The following DIAPH2 variants were observed in gnomAD, a reference collection of about 807,000 sequenced individuals.
The protein encoded by DIAPH2 is diaphanous related formin 2, also known as protein diaphanous homolog 2.
In DIAPH2, 35 loss-of-function variants were observed where a neutral mutation model predicts 92.7. That is an observed-to-expected ratio of 0.38 (90% CI 0.29 to 0.50). DIAPH2 has a LOEUF of 0.50. Ranked by LOEUF, DIAPH2 falls within the 20% of genes least tolerant of loss-of-function variation. DIAPH2 has a pLI of 0.94. For synonymous variants in DIAPH2, 301 were observed against 280.4 expected (o/e 1.07, Z -0.73); for missense variants, 701 against 819.5 (o/e 0.86, Z 1.77).
intron 26 of DIAPH2, among the ~76,000 whole-genome samples, chrX:97,548,305 C>T (rs910670425): frequency 4.5e-5 from 5 of 112,330 alleles, no homozygotes; most frequent in Admixed American, 3.8e-4. Flanking sequence ...TTGTTCCCCT[C>T]TTCTTTCCTG....
rs774954078 is a variant in DIAPH2 at position 96,779,250 on chromosome X, A to G, written c.447+20992A>G. Among the ~76,000 whole-genome samples the G allele has an allele frequency of 6.2e-5, 7 of 112,255 alleles. No individual in the cohort carries two copies. The South Asian group carries it at 2.6e-3, about 42-fold the overall frequency. ...CTCACAGATTCTTTATTTAAATTCA[A>G]TTAACTACCCTACCTTATTGATAGA... On this transcript the variant is annotated intron_variant, in intron 4 of 26. Coordinates refer to ENST00000324765, the MANE Select transcript of DIAPH2 (RefSeq NM_006729.5).
At chrX:97,410,069 G>A (rs966128095) in intron 25 of DIAPH2, among the ~76,000 whole-genome samples, 1 of 112,263 alleles carries the variant, frequency 8.9e-6, no homozygotes, top group Non-Finnish European at 1.9e-5. Context: ...GCCTCCTCAA[G>A]TGGGTCCCTG....
chrX:96,697,461 C>T, intron 1 of DIAPH2, among the ~76,000 whole-genome samples: 1 of 108,544 alleles, frequency 9.2e-6, no homozygotes, highest in Non-Finnish European at 1.9e-5. Flanking sequence ...GCCTGGCCAA[C>T]ATGGTGGAAC....
At chrX:97,599,187 A>T in intron 26 of DIAPH2, 66 bp from the exon 27 acceptor site, 1 of 792,757 alleles carries the variant, frequency 1.3e-6, no homozygotes, top group East Asian at 3.7e-5. Context: ...TCTCAACCTA[A>T]CATCATGTAA....
chrX:96,780,098 G>T (rs1749428076), intron 4 of DIAPH2, among the ~76,000 whole-genome samples: 1 of 111,991 alleles, frequency 8.9e-6, no homozygotes, highest in South Asian at 3.7e-4. Flanking sequence ...ATACTTATTT[G>T]TGAAAATCTG....
intron 17 of DIAPH2, among the ~76,000 whole-genome samples, chrX:97,048,374 A>T (rs1027673602): frequency 1.8e-5 from 2 of 111,425 alleles, no homozygotes; most frequent in African/African-American, 6.5e-5. Flanking sequence ...AGCATTCCTT[A>T]TGATTAGATT....
intron 23 of DIAPH2, among the ~76,000 whole-genome samples, chrX:97,256,351 T>A (rs2068236216): frequency 8.9e-6 from 1 of 112,183 alleles, no homozygotes; most frequent in Admixed American, 9.5e-5. Flanking sequence ...TCTGTGAATT[T>A]GTTTTCTTTG....
intron 1 of DIAPH2, among the ~76,000 whole-genome samples, chrX:96,725,105 G>C (rs1487667437): frequency 8.9e-6 from 1 of 111,928 alleles, no homozygotes; most frequent in Admixed American, 9.5e-5. Context: ...TACAAGTGTT[G>C]CTTTGCCCCA....
chrX:97,256,472 A>G (rs966602883), intron 23 of DIAPH2, among the ~76,000 whole-genome samples: 1 of 112,204 alleles, frequency 8.9e-6, no homozygotes, highest in African/African-American at 3.2e-5. Context: ...CAAGTAATAT[A>G]CTCTGGTGCA....
intron 22 of DIAPH2, among the ~76,000 whole-genome samples, chrX:97,152,298 T>C (rs959725135): frequency 8.9e-6 from 1 of 111,973 alleles, no homozygotes; most frequent in Admixed American, 9.5e-5. Flanking sequence ...TGAAATTAAC[T>C]GGCATCTTTT....
intron 17 of DIAPH2, among the ~76,000 whole-genome samples, chrX:96,996,727 T>C (rs1361922300): frequency 1.8e-5 from 2 of 111,983 alleles, no homozygotes; most frequent in African/African-American, 6.5e-5. Flanking sequence ...GCTATAGTTA[T>C]ATTATTCTCA....
rs189493287 is a variant in DIAPH2, at chrX:97,062,529, G to T, written c.2051-10412G>T. 5.3e-3 allele frequency among the ~76,000 whole-genome samples: 584 copies of T among 111,180 alleles called. 5 individuals are homozygous for T. The highest frequency in any genetic ancestry group is 0.018 in the African/African-American group (552 of 30,574). ...GAATAGGAGGGAAGGACAGGGAGAT[G>T]GTGTCAGGCATTCTTCTGAGATGCT... On this transcript the variant is annotated intron_variant, in intron 17 of 26. Coordinates refer to ENST00000324765, the MANE Select transcript of DIAPH2 (RefSeq NM_006729.5).
chrX:97,195,254 A>C (rs2067692082), intron 22 of DIAPH2, among the ~76,000 whole-genome samples: 1 of 112,485 alleles, frequency 8.9e-6, no homozygotes, highest in African/African-American at 3.2e-5. Context: ...CATTTGGGGC[A>C]TCATAATGAA....
intron 26 of DIAPH2, among the ~76,000 whole-genome samples, chrX:97,567,068 A>ATAAC (rs905161136): frequency 1.8e-5 from 2 of 111,837 alleles, no homozygotes; most frequent in Non-Finnish European, 3.8e-5. Flanking sequence ...AAAACACATA[A>ATAAC]TAACTACACA....
At chrX:97,071,919 A>T (rs1478855193) in intron 17 of DIAPH2, among the ~76,000 whole-genome samples, 1 of 112,119 alleles carries the variant, frequency 8.9e-6, no homozygotes, top group Non-Finnish European at 1.9e-5. Context: ...ATGGTCATAT[A>T]TGAACCAGTG....
intron 4 of DIAPH2, among the ~76,000 whole-genome samples, chrX:96,838,544 G>A (rs1434011778): frequency 3.6e-5 from 4 of 112,096 alleles, no homozygotes; most frequent in Non-Finnish European, 7.5e-5. Flanking sequence ...AGTGTGGAAT[G>A]TTTGATCATT....
chrX:97,141,851 C>T (rs774380079), intron 22 of DIAPH2, 57 bp downstream of exon 22: 1 of 1,081,242 alleles, frequency 9.2e-7, no homozygotes, highest in Non-Finnish European at 1.2e-6. Flanking sequence ...TTAAATGGAA[C>T]AATTAAAGAA....
chrX:97,517,421 G>A (rs894165900), intron 26 of DIAPH2, among the ~76,000 whole-genome samples: 2 of 111,549 alleles, frequency 1.8e-5, no homozygotes, highest in African/African-American at 6.5e-5. Flanking sequence ...CACAAAGCAT[G>A]GCAATAATCT....
chrX:97,527,605 A>G (rs2071033009), intron 26 of DIAPH2, among the ~76,000 whole-genome samples: 1 of 112,533 alleles, frequency 8.9e-6, no homozygotes. Flanking sequence ...AGGATAGCCA[A>G]TAATGTTACT....
Sources: allele counts gnomAD v4.1 joint callset (sites outside exome capture counted in the v4.1 genomes callset), GRCh38; gene constraint gnomAD v4.1.1; transcripts MANE v1.5; gene names NCBI Gene and HGNC (gene_info 2026-07-23, HGNC 2026-07-21).